SERPINH1: variants seen among roughly 807,000 people sequenced by gnomAD.
SERPINH1 encodes serpin family H member 1.
A neutral mutation model predicts 32.3 loss-of-function variants in SERPINH1; 22 were observed. The observed-to-expected ratio is 0.68, with a 90% CI of 0.49 to 0.97. SERPINH1 has a LOEUF of 0.97. Among genes scored for constraint, SERPINH1 ranks in the 50% least tolerant of loss-of-function variants. The pLI, the probability that SERPINH1 is intolerant of heterozygous loss-of-function variation, is 0.00. For synonymous variants in SERPINH1, 251 were observed against 245.9 expected, an observed-to-expected ratio of 1.02 and a Z score of -0.19; for missense variants, 543 against 576.4, an observed-to-expected ratio of 0.94 and a Z score of 0.59.
At position 75,566,710 on chromosome 11, in the gene SERPINH1, T is replaced by G. The variant is rs781727997; in HGVS notation, c.361T>G (p.Ser121Ala). 1.9e-6 allele frequency: 3 copies of G among 1,611,994 alleles called. No homozygotes were observed. The South Asian group carries it at 3.3e-5, about 18-fold the overall frequency. ...LGELLRSLSN[S>A]TARNVTWKLG... is the part of the protein sequence containing the mutation. ...CGAGCTGCTGCGCTCACTCAGCAAC[T>G]CCACGGCGCGCAACGTGACCTGGAA... Residue 121 changes from serine to alanine, a missense_variant, in exon 2 of 5, where the codon TCC becomes GCC. By Grantham distance (99) the Ser-to-Ala change is moderately conservative. Around this residue, in one of 3 missense-constraint regions of SERPINH1, gnomAD observed 427 missense variants for 446.4 expected, o/e 0.96. Transcript: ENST00000358171.
Position 75,568,929 on chromosome 11 carries a change from C to G in SERPINH1, c.722-10C>G. ...CAGGGTGCCCAGTGTCCTTTCCGCT[C>G]CTCTCCCAGGCCTCTACAACTACTA... On this transcript the variant is annotated splice_polypyrimidine_tract_variant and intron_variant, in intron 3 of 4. Transcript: ENST00000358171. The G allele has an allele frequency of 1.2e-6, 2 of 1,613,132 alleles. No individual in the cohort carries two copies. Among genetic ancestry groups the G allele is most frequent in the Non-Finnish European group, 1.7e-6 (2 of 1,179,308 alleles).
Position 75,569,042 on chromosome 11 carries a change from G to A in SERPINH1, c.825G>A (p.Val275=), listed in dbSNP as rs1433624988. Residue 275 remains valine (V), a synonymous_variant, in exon 4 of 5, where the codon GTG becomes GTA. Coordinates refer to ENST00000358171, the MANE Select transcript of SERPINH1 (RefSeq NM_001235.5). Reference sequence around the variant, plus strand: ...TCATCATCCTCATGCCCCATCACGTGGAGCCTCTCGAGCGCCTTGAAAAGC... The same window carrying A: ...TCATCATCCTCATGCCCCATCACGTAGAGCCTCTCGAGCGCCTTGAAAAGC... The part of the protein sequence containing the change: ...SSLIILMPHH[V]EPLERLEKLL... 3 of 1,614,240 alleles carry A rather than the reference G, an allele frequency of 1.9e-6. No individual in the cohort carries two copies. In the Admixed American group the frequency reaches 5.0e-5, roughly 27 times the overall value.
At chr11:75,568,503 A>G (rs964161981) in intron 2 of SERPINH1, 2 of 604,506 alleles carry the variant, frequency 3.3e-6, no homozygotes, top group Non-Finnish European at 6.0e-6. Context: ...GCAGGCACTG[A>G]CTGTAGGGAA....
rs1377787259 is a variant in SERPINH1 at position 75,566,967 on chromosome 11, C to A, written c.618C>A (p.Phe206Leu). Reference protein sequence around the residue: ...DGALLVNAMFFKPHWDEKFHH... With the variant: ...DGALLVNAMFLKPHWDEKFHH... Reference sequence around the variant, plus strand: ...CCCTGCTAGTCAACGCCATGTTCTTCAAGCGTGAGTCGGGGGCGCGTTCAG... The same window carrying A: ...CCCTGCTAGTCAACGCCATGTTCTTAAAGCGTGAGTCGGGGGCGCGTTCAG... Residue 206 changes from phenylalanine to leucine, a missense_variant, in exon 2 of 5, where the codon TTC (phenylalanine) becomes TTA (leucine). Phe to Leu is a conservative substitution (Grantham distance 22). This residue lies in a region of SERPINH1 where 427 missense variants were observed against 446.4 expected (regional missense o/e 0.96). Transcript: ENST00000358171. 1.3e-6 allele frequency: 2 copies of A among 1,597,070 alleles called. No homozygotes were observed. The highest frequency in any genetic ancestry group is 1.1e-5 in the South Asian group (1 of 90,976).
At position 75,568,825 on chromosome 11, in the gene SERPINH1, G is replaced by A. The variant is rs1228117058; in HGVS notation, c.717G>A (p.Arg239=). The A allele has an allele frequency of 5.0e-6, 8 of 1,612,546 alleles. No homozygotes were observed. Among genetic ancestry groups the A allele is most frequent in the Non-Finnish European group, 6.8e-6 (8 of 1,178,532 alleles). The change falls in exon 3 of 5, where the codon CGG becomes CGA. Residue 239 remains arginine (R), a synonymous_variant. Transcript: ENST00000358171. The part of the protein sequence containing the change: ...SYTVGVMMMH[R]TGLYNYYDDE... ...CCGTGGGTGTCATGATGATGCACCGGACAGGTAGGTGCTGTGAGGAGCAGG... is the reference window on the plus strand; with the variant it reads ...CCGTGGGTGTCATGATGATGCACCGAACAGGTAGGTGCTGTGAGGAGCAGG...
In SERPINH1 at chr11:75,566,365, C is replaced by A; in HGVS notation, c.16C>A (p.Leu6Ile). 6.2e-7 allele frequency: 1 copy of A among 1,609,936 alleles called. No homozygotes were observed. MRSLL[L>I]LSAFCLLEAA... ...CTTCCTGGCCATGCGCTCCCTCCTG[C>A]TTCTCAGCGCCTTCTGCCTCCTGGA... is the stretch of plus-strand genomic sequence containing the variant. The change falls in exon 2 of 5, where the codon CTT becomes ATT. Residue 6 changes from leucine to isoleucine, a missense_variant. Transcript: ENST00000358171.
Position 75,567,618 on chromosome 11 carries a change from G to A in SERPINH1, c.622+647G>A, listed in dbSNP as rs535699857. Among the ~76,000 whole-genome samples the A allele has an allele frequency of 4.6e-5, 7 of 152,308 alleles. No homozygotes were observed. In the East Asian group the frequency reaches 7.7e-4, roughly 17 times the overall value. ...ATTACAGGTGCGAGCCACCATGTGC[G>A]GCCAAGACCCAGAATCCTTAAAGCA... On this transcript the variant is annotated intron_variant, in intron 2 of 4. Coordinates refer to ENST00000358171, the MANE Select transcript of SERPINH1 (RefSeq NM_001235.5).
chr11:75,564,075 T>C (rs1942030809), intron 1 of SERPINH1, among the ~76,000 whole-genome samples: 1 of 152,202 alleles, frequency 6.6e-6, no homozygotes, highest in Non-Finnish European at 1.5e-5. Context: ...CAGAGATTCA[T>C]GTGCGGATGG....
Position 75,566,990 on chromosome 11 carries a change from C to A in SERPINH1, c.622+19C>A, listed in dbSNP as rs1439797286. On this transcript the variant is annotated intron_variant, in intron 2 of 4. Transcript: ENST00000358171. Reference sequence around the variant, plus strand: ...TTCAAGCGTGAGTCGGGGGCGCGTTCAGGGGTCCTCCTCCTCCTCCCAGGA... The same window carrying A: ...TTCAAGCGTGAGTCGGGGGCGCGTTAAGGGGTCCTCCTCCTCCTCCCAGGA... The A allele has an allele frequency of 6.4e-7, 1 of 1,566,630 alleles. No homozygotes were observed.
intron 2 of SERPINH1, chr11:75,567,947 C>T (rs1942119418): frequency 6.5e-6 from 1 of 153,358 alleles, no homozygotes; most frequent in Non-Finnish European, 1.5e-5. Context: ...GTTCAGGCCA[C>T]TCTCAGACAT....
Position 75,569,505 on chromosome 11 carries a change from C to G in SERPINH1, c.954+334C>G, listed in dbSNP as rs1320220264. 2.1e-4 allele frequency: 42 copies of G among 196,776 alleles called. No homozygotes were observed. The Admixed American group carries it at 2.2e-3, about 10-fold the overall frequency. The allele number at this position is 196,776 out of a possible 1,614,324, so 12.2% of individuals were successfully genotyped here. A position where few individuals can be genotyped will look rare whatever the true frequency, so the allele number is the denominator to read the frequency against. On this transcript the variant is annotated intron_variant, in intron 4 of 4. Coordinates refer to ENST00000358171, the MANE Select transcript of SERPINH1 (RefSeq NM_001235.5). The stretch of plus-strand genomic sequence containing the variant: ...TGGTGCCATCTCGACTCACTGCAAC[C>G]TCCACTTCCTGGGTTCAAGCGATTC...
Position 75,566,938 on chromosome 11 carries a change from G to A in SERPINH1, c.589G>A (p.Gly197Ser), listed in dbSNP as rs766872022. 1.2e-6 allele frequency: 2 copies of A among 1,603,424 alleles called. No homozygotes were observed. Among genetic ancestry groups the A allele is most frequent in the South Asian group, 1.1e-5 (1 of 91,034 alleles). ...CACCAAGGACGTGGAGCGCACGGAC[G>A]GCGCCCTGCTAGTCAACGCCATGTT... ...EVTKDVERTD[G>S]ALLVNAMFFK... Residue 197 changes from glycine to serine, a missense_variant, in exon 2 of 5, where the codon GGC becomes AGC. Coordinates refer to ENST00000358171, the MANE Select transcript of SERPINH1 (RefSeq NM_001235.5).
At position 75,572,011 on chromosome 11, in the gene SERPINH1, C is replaced by T. The variant is rs761198901; in HGVS notation, c.1185C>T (p.Thr395=). The change falls in exon 5 of 5, where the codon ACC becomes ACT. Residue 395 remains threonine, a synonymous_variant. Coordinates refer to ENST00000358171, the MANE Select transcript of SERPINH1 (RefSeq NM_001235.5). ...CCTTCATCTTCCTAGTGCGGGACACCCAAAGCGGCTCCCTGCTATTCATTG... is the reference window on the plus strand; with the variant it reads ...CCTTCATCTTCCTAGTGCGGGACACTCAAAGCGGCTCCCTGCTATTCATTG... The part of the protein sequence containing the change: ...DHPFIFLVRD[T]QSGSLLFIGR... 6.8e-6 allele frequency: 11 copies of T among 1,614,068 alleles called. No homozygotes were observed. The Admixed American group carries it at 1.3e-4, about 20-fold the overall frequency.
In SERPINH1 at chr11:75,566,370, C is replaced by T. The variant is rs556286635; in HGVS notation, c.21C>T (p.Leu7=). ...TGGCCATGCGCTCCCTCCTGCTTCT[C>T]AGCGCCTTCTGCCTCCTGGAGGCGG... is the stretch of plus-strand genomic sequence containing the variant. MRSLLL[L]SAFCLLEAAL... The change falls in exon 2 of 5, where the codon CTC becomes CTT. Residue 7 remains leucine (L), a synonymous_variant. Coordinates refer to ENST00000358171, the MANE Select transcript of SERPINH1 (RefSeq NM_001235.5). 1.2e-6 allele frequency: 2 copies of T among 1,610,226 alleles called. No homozygotes were observed. Among genetic ancestry groups the T allele is most frequent in the African/African-American group, 1.3e-5 (1 of 75,054 alleles).
chr11:75,562,653 G>GGCAGAGA (rs1353159245), intron 1 of SERPINH1: 1 of 152,592 alleles, frequency 6.6e-6, no homozygotes, highest in Non-Finnish European at 1.5e-5. Context: ...GGGGGCTGGG[G>GGCAGAGA]GCAGAGAGCA....
intron 1 of SERPINH1, among the ~76,000 whole-genome samples, chr11:75,564,152 G>A (rs959139417): frequency 6.6e-6 from 1 of 152,232 alleles, no homozygotes; most frequent in Admixed American, 6.5e-5. Context: ...CCTGGGACCT[G>A]AGTCAGGCCT....
Position 75,572,146 on chromosome 11 carries a change from A to C in SERPINH1, c.*63A>C. On this transcript the variant is annotated 3_prime_UTR_variant, in exon 5 of 5. Transcript: ENST00000358171. ...AAGGCTCCTGAGACACATGGGTGCT[A>C]TTGGGGTTGGGGGGGAGGTGAGGTA... is the stretch of plus-strand genomic sequence containing the variant. 4 of 1,066,574 alleles carry C rather than the reference A, an allele frequency of 3.8e-6. No homozygotes were observed. In the East Asian group the frequency reaches 1.2e-4, roughly 32 times the overall value. 66.1% of individuals were successfully genotyped at this position (1,066,574 alleles called of 1,614,324 possible). A position where few individuals can be genotyped will look rare whatever the true frequency, so the allele number is the denominator to read the frequency against.
chr11:75,564,835 A>G (rs1942045024), intron 1 of SERPINH1, among the ~76,000 whole-genome samples: 1 of 152,104 alleles, frequency 6.6e-6, no homozygotes, highest in Non-Finnish European at 1.5e-5. Flanking sequence ...GTCCCGGGAG[A>G]TGGGGAGCCT....
chr11:75,567,043 C>G, intron 2 of SERPINH1, 72 bp downstream of exon 2: 1 of 1,489,906 alleles, frequency 6.7e-7, no homozygotes, highest in East Asian at 2.4e-5. Flanking sequence ...GACGACATTC[C>G]GTGCGCTCCA....
Sources: allele counts gnomAD v4.1 joint callset (sites outside exome capture counted in the v4.1 genomes callset), GRCh38; gene constraint gnomAD v4.1.1; regional missense constraint gnomAD v4.1.1; transcripts MANE v1.5; gene names NCBI Gene and HGNC (gene_info 2026-07-23, HGNC 2026-07-21).